The following SCARB2 variants were observed in gnomAD, a reference collection of about 807,000 sequenced individuals.
SCARB2 encodes the protein lysosome membrane protein 2.
Under a neutral mutation model 58.6 loss-of-function variants are expected in SCARB2, and 29 were observed. That is an observed-to-expected ratio of 0.49 (90% CI 0.37 to 0.67). The LOEUF is 0.67. SCARB2 is among the 30% of genes least tolerant of loss of function. SCARB2 has a pLI of 0.00. For synonymous variants in SCARB2, 195 were observed against 210.1 expected, an observed-to-expected ratio of 0.93 and a Z score of 0.62; for missense variants, 488 against 578.5, an observed-to-expected ratio of 0.84 and a Z score of 1.60.
rs6835324 is a variant in SCARB2, at chr4:76,196,156, G to A, written c.118-292C>T. Among the ~76,000 whole-genome samples the A allele has an allele frequency of 0.16, 24,570 of 152,142 alleles. 2,228 individuals carry two copies. The highest frequency in any genetic ancestry group is 0.34 in the Middle Eastern group (99 of 294). On this transcript the variant is annotated intron_variant, in intron 1 of 11. Transcript: ENST00000264896. ...GCAGATCACTTGAGGTCAAGAGTTC[G>A]TGCTTGGTCAACATGGTGAAACCCC... is the stretch of plus-strand genomic sequence containing the variant.
rs1731838600 is a variant in SCARB2, at chr4:76,158,957, T to C, written c.*2756A>G. 1 of 152,186 alleles carries C rather than the reference T, an allele frequency of 6.6e-6. No homozygotes were observed. The highest frequency in any genetic ancestry group is 1.5e-5 in the Non-Finnish European group (1 of 68,030). 9.4% of individuals were successfully genotyped at this position (152,186 alleles called of 1,614,324 possible). ...AACTCATATCTCGAGCAGTTTAAAT[T>C]AAAAATTAGCCTCCCTTAAGTTAAA... On this transcript the variant is annotated 3_prime_UTR_variant, in exon 12 of 12. Transcript: ENST00000264896.
At chr4:76,177,389 T>C (rs573317512) in intron 4 of SCARB2, among the ~76,000 whole-genome samples, 26 of 150,968 alleles carry the variant, frequency 1.7e-4, no homozygotes, top group Non-Finnish European at 3.1e-4. Context: ...TGTGGAGAAA[T>C]TGGAACCTTT....
chr4:76,196,623 T>C (rs1732718613), intron 1 of SCARB2, among the ~76,000 whole-genome samples: 1 of 152,164 alleles, frequency 6.6e-6, no homozygotes, highest in African/African-American at 2.4e-5. Flanking sequence ...TTTGGTCCTT[T>C]TTCAAGTCAA....
At chr4:76,184,103 T>A in intron 2 of SCARB2, among the ~76,000 whole-genome samples, 1 of 152,340 alleles carries the variant, frequency 6.6e-6, no homozygotes, top group Non-Finnish European at 1.5e-5. Flanking sequence ...TATTTTATTT[T>A]ATTTAATCCT....
chr4:76,163,038 C>T, intron 11 of SCARB2, 187 bp downstream of exon 11: 1 of 699,746 alleles, frequency 1.4e-6, no homozygotes. Flanking sequence ...AACCCTCCAC[C>T]TTCTTTGACA....
Position 76,161,746 on chromosome 4 carries a change from T to C in SCARB2, c.1404A>G (p.Thr468=). ...GAATGAGGGGTGCTCTTTCATCCGCTGTTCCCTGAAACACAGAAGAGAGAA... is the reference window on the plus strand; with the variant it reads ...GAATGAGGGGTGCTCTTTCATCCGCCGTTCCCTGAAACACAGAAGAGAGAA... The part of the protein sequence containing the change: ...CKGQGSMDEG[T]ADERAPLIRT Residue 468 remains threonine (T), a synonymous_variant, in exon 12 of 12, where the codon ACA becomes ACG. Coordinates refer to ENST00000264896, the MANE Select transcript of SCARB2 (RefSeq NM_005506.4). The C allele has an allele frequency of 6.2e-7, 1 of 1,614,162 alleles. No homozygotes were observed. Among genetic ancestry groups the C allele is most frequent in the Non-Finnish European group, 8.5e-7 (1 of 1,180,024 alleles).
At chr4:76,212,784 T>C (rs946236490) in intron 1 of SCARB2, among the ~76,000 whole-genome samples, 1 of 152,180 alleles carries the variant, frequency 6.6e-6, no homozygotes, top group Non-Finnish European at 1.5e-5. Flanking sequence ...TCTAAATGCA[T>C]CTGTGCCTGA....
At chr4:76,167,124 C>A (rs921946899) in intron 9 of SCARB2, among the ~76,000 whole-genome samples, 4 of 152,028 alleles carry the variant, frequency 2.6e-5, no homozygotes, top group Non-Finnish European at 2.9e-5. Flanking sequence ...ACTTTGGAAT[C>A]CAAATTAAGC....
chr4:76,191,773 T>C (rs1732612680), intron 2 of SCARB2: 1 of 144,552 alleles, frequency 6.9e-6, no homozygotes, highest in African/African-American at 2.5e-5. Flanking sequence ...TCTTTCTTTC[T>C]TTCTTCTTTT....
chr4:76,167,602 A>G (rs539260604), intron 9 of SCARB2, among the ~76,000 whole-genome samples: 58 of 151,710 alleles, frequency 3.8e-4, no homozygotes, highest in African/African-American at 1.4e-3. Flanking sequence ...AGCCTACAGA[A>G]CTGTAAGCCA....
At chr4:76,211,352 C>A (rs1158841900) in intron 1 of SCARB2, among the ~76,000 whole-genome samples, 2 of 103,578 alleles carry the variant, frequency 1.9e-5, no homozygotes, top group Non-Finnish European at 3.6e-5. Context: ...AATTGAGGAC[C>A]AAGTAAGTTA....
intron 2 of SCARB2, chr4:76,193,038 G>C (rs1012727447): frequency 6.6e-6 from 1 of 152,212 alleles, no homozygotes; most frequent in African/African-American, 2.4e-5. Flanking sequence ...TGAGACCTAA[G>C]AGGACTGAGT....
intron 2 of SCARB2, among the ~76,000 whole-genome samples, chr4:76,188,848 A>G (rs1732540828): frequency 6.6e-6 from 1 of 152,136 alleles, no homozygotes; most frequent in African/African-American, 2.4e-5. Context: ...CTCACGACCC[A>G]CTCAGCCCTG....
chr4:76,211,611 T>G (rs1733048695), intron 1 of SCARB2, among the ~76,000 whole-genome samples: 1 of 152,174 alleles, frequency 6.6e-6, no homozygotes, highest in Admixed American at 6.5e-5. Context: ...CAAGTAAGAT[T>G]AAACAGCCCA....
At chr4:76,218,626 G>A (rs533715207), upstream of SCARB2, among the ~76,000 whole-genome samples, 1 of 152,288 alleles carries the variant, frequency 6.6e-6, no homozygotes, top group South Asian at 2.1e-4. Context: ...ATGGGAAAAT[G>A]AGAATTCCCC....
chr4:76,211,555 T>C (rs1321432195), intron 1 of SCARB2, among the ~76,000 whole-genome samples: 2 of 152,238 alleles, frequency 1.3e-5, no homozygotes, highest in African/African-American at 2.4e-5. Context: ...GCAGATGTGA[T>C]CGTTAGTCCT....
intron 1 of SCARB2, among the ~76,000 whole-genome samples, chr4:76,221,168 G>A (rs1387489054): frequency 1.3e-5 from 2 of 152,210 alleles, no homozygotes; most frequent in Non-Finnish European, 2.9e-5. Flanking sequence ...GGCAGGGGAA[G>A]GGGACAGGCT....
At chr4:76,206,632 TG>T (rs1444631276) in intron 1 of SCARB2, among the ~76,000 whole-genome samples, 8 of 151,760 alleles carry the variant, frequency 5.3e-5, no homozygotes, top group Non-Finnish European at 1.2e-4. Context: ...ACATTGCATT[TG>T]GCAGTAAGAA....
chr4:76,169,709 G>A (rs934083367), intron 8 of SCARB2, among the ~76,000 whole-genome samples, 158 bp downstream of exon 8: 2 of 152,208 alleles, frequency 1.3e-5, no homozygotes, highest in South Asian at 4.1e-4. Flanking sequence ...ACAGGGCTAT[G>A]AGACAATGCC....
Sources: gnomAD v4.1 joint callset for allele counts (sites outside exome capture counted in the v4.1 genomes callset) on GRCh38, gnomAD v4.1.1 for gene constraint, MANE v1.5 for transcripts, NCBI Gene and HGNC (gene_info 2026-07-23, HGNC 2026-07-21) for gene names.